GPC6: variants seen among roughly 807,000 people sequenced by gnomAD.
GPC6 encodes glypican 6.
GPC6 carries 14 observed loss-of-function variants against 55.2 expected under a neutral mutation model. That is an observed-to-expected ratio of 0.25 (90% CI 0.17 to 0.40). The LOEUF (loss-of-function observed/expected upper bound fraction) is 0.40, where lower values mean the gene tolerates loss of function less well. Ranked by LOEUF, GPC6 falls within the 10% of genes least tolerant of loss-of-function variation. The pLI, the probability that GPC6 is intolerant of heterozygous loss-of-function variation, is 1.00. For synonymous variants in GPC6, 278 were observed against 259.6 expected (o/e 1.07, Z -0.68); for missense variants, 641 against 708.5 (o/e 0.90, Z 1.08).
intron 3 of GPC6, among the ~76,000 whole-genome samples, chr13:94,023,164 A>C (rs1882766099): frequency 6.6e-6 from 1 of 152,030 alleles, no homozygotes; most frequent in African/African-American, 2.4e-5. Context: ...TTTTTTCTAA[A>C]GGTCCATACA....
chr13:93,281,166 C>T (rs1333716638), intron 1 of GPC6, among the ~76,000 whole-genome samples: 1 of 152,168 alleles, frequency 6.6e-6, no homozygotes, highest in African/African-American at 2.4e-5. Context: ...GCCACAATAG[C>T]ACTTACTACT....
intron 4 of GPC6, among the ~76,000 whole-genome samples, chr13:94,172,954 G>A (rs1326147170): frequency 1.3e-5 from 2 of 152,188 alleles, no homozygotes; most frequent in Admixed American, 6.5e-5. Flanking sequence ...GCACACATGA[G>A]TACGGAGCAG....
At chr13:93,764,459 C>G (rs1028413471) in intron 2 of GPC6, among the ~76,000 whole-genome samples, 1 of 151,876 alleles carries the variant, frequency 6.6e-6, no homozygotes, top group Non-Finnish European at 1.5e-5. Flanking sequence ...TGGTTCATAT[C>G]TACTAGGAAT....
chr13:93,814,738 A>C (rs1886796525), intron 2 of GPC6, among the ~76,000 whole-genome samples: 1 of 152,218 alleles, frequency 6.6e-6, no homozygotes. Flanking sequence ...GAATTTTATT[A>C]TCTCCACAGC....
At chr13:94,145,621 G>T (rs1887535161) in intron 4 of GPC6, among the ~76,000 whole-genome samples, 1 of 152,156 alleles carries the variant, frequency 6.6e-6, no homozygotes, top group Non-Finnish European at 1.5e-5. Context: ...ATGTCCAGAT[G>T]ATTCTACATT....
chr13:94,197,542 T>G (rs1331470121), intron 4 of GPC6, among the ~76,000 whole-genome samples: 1 of 152,096 alleles, frequency 6.6e-6, no homozygotes, highest in Non-Finnish European at 1.5e-5. Context: ...AGAGAGAGAG[T>G]GAGCTCTCTG....
At chr13:94,064,069 G>A (rs977656237) in intron 4 of GPC6, among the ~76,000 whole-genome samples, 4 of 152,136 alleles carry the variant, frequency 2.6e-5, no homozygotes, top group Non-Finnish European at 5.9e-5. Flanking sequence ...GTACGTAGAT[G>A]AGAATCAACA....
At chr13:93,938,718 T>C (rs1878568423) in intron 3 of GPC6, among the ~76,000 whole-genome samples, 1 of 152,192 alleles carries the variant, frequency 6.6e-6, no homozygotes. Flanking sequence ...CTTGAAAGAA[T>C]TGGAACAGGA....
chr13:94,088,917 C>A (rs1594726812), intron 4 of GPC6, among the ~76,000 whole-genome samples: 1 of 152,236 alleles, frequency 6.6e-6, no homozygotes, highest in African/African-American at 2.4e-5. Context: ...GATATAAAAT[C>A]TCTATCTGAC....
intron 1 of GPC6, among the ~76,000 whole-genome samples, chr13:93,289,619 A>G (rs1262047126): frequency 6.6e-6 from 1 of 152,206 alleles, no homozygotes; most frequent in Non-Finnish European, 1.5e-5. Flanking sequence ...ATGTATAGGG[A>G]AAAATTTACC....
chr13:93,333,128 G>A (rs1159159446), intron 1 of GPC6, among the ~76,000 whole-genome samples: 1 of 152,088 alleles, frequency 6.6e-6, no homozygotes, highest in African/African-American at 2.4e-5. Flanking sequence ...TCGAATTCAG[G>A]TAGTGTGATG....
At chr13:94,067,264 A>G (rs1884550715) in intron 4 of GPC6, among the ~76,000 whole-genome samples, 1 of 152,220 alleles carries the variant, frequency 6.6e-6, no homozygotes. Flanking sequence ...TTCATACATC[A>G]TAAAATTGTG....
chr13:94,203,838 A>G (rs983809774), intron 4 of GPC6, among the ~76,000 whole-genome samples: 9 of 152,086 alleles, frequency 5.9e-5, no homozygotes, highest in Admixed American at 5.2e-4. Flanking sequence ...TCCTTACTGC[A>G]TGTCTGATAA....
chr13:93,296,787 C>T (rs1376954143), intron 1 of GPC6, among the ~76,000 whole-genome samples: 1 of 152,186 alleles, frequency 6.6e-6, no homozygotes, highest in Non-Finnish European at 1.5e-5. Flanking sequence ...GCAGACATCT[C>T]ATTCTGAGAG....
chr13:94,105,593 G>A (rs1204508535), intron 4 of GPC6, among the ~76,000 whole-genome samples: 2 of 152,184 alleles, frequency 1.3e-5, no homozygotes, highest in African/African-American at 2.4e-5. Flanking sequence ...ACAGGCTGAA[G>A]GAAGGTGAGA....
chr13:94,344,298 G>C (rs1003468066), intron 6 of GPC6, among the ~76,000 whole-genome samples: 1 of 152,170 alleles, frequency 6.6e-6, no homozygotes, highest in Non-Finnish European at 1.5e-5. Flanking sequence ...TGTAAAGAAT[G>C]TTTTGTTAAG....
intron 3 of GPC6, among the ~76,000 whole-genome samples, chr13:93,878,477 C>T (rs1383903166): frequency 6.6e-6 from 1 of 151,160 alleles, no homozygotes; most frequent in African/African-American, 2.5e-5. Flanking sequence ...TCTCCTGGGT[C>T]AAGTGATTCT....
At chr13:93,626,391 C>G (rs1879201702) in intron 2 of GPC6, among the ~76,000 whole-genome samples, 1 of 152,246 alleles carries the variant, frequency 6.6e-6, no homozygotes, top group Admixed American at 6.5e-5. Context: ...CAAACATCTT[C>G]CAGATTCCTC....
At chr13:94,315,421 G>A (rs893079918) in intron 6 of GPC6, among the ~76,000 whole-genome samples, 1 of 152,208 alleles carries the variant, frequency 6.6e-6, no homozygotes, top group African/African-American at 2.4e-5. Flanking sequence ...CGGGGTGACA[G>A]AGCAGCCATT....
Sources: allele counts gnomAD v4.1 joint callset (sites outside exome capture counted in the v4.1 genomes callset), GRCh38; gene constraint gnomAD v4.1.1; transcripts MANE v1.5; gene names NCBI Gene and HGNC (gene_info 2026-07-23, HGNC 2026-07-21).